GRIN2A: variants seen among roughly 807,000 people sequenced by gnomAD.
GRIN2A encodes the protein glutamate receptor ionotropic, NMDA 2A.
GRIN2A carries 22 observed loss-of-function variants against 113.4 expected under a neutral mutation model. The observed-to-expected ratio is 0.19, with a 90% CI of 0.14 to 0.28. The LOEUF is 0.28. Among genes scored for constraint, GRIN2A ranks in the 10% least tolerant of loss-of-function variants. GRIN2A has a pLI of 1.00. For missense variants in GRIN2A, 1,502 were observed against 1,887.0 expected (o/e 0.80, Z 3.78); for synonymous variants, 827 against 738.4 (o/e 1.12, Z -1.94).
At chr16:9,953,040 C>A (rs1381976920) in intron 2 of GRIN2A, among the ~76,000 whole-genome samples, 2 of 152,026 alleles carry the variant, frequency 1.3e-5, no homozygotes, top group Non-Finnish European at 2.9e-5. Flanking sequence ...ACCACTTGAG[C>A]TTGAGTATGA....
chr16:9,820,757 G>A lies in GRIN2A; in HGVS notation c.2168+1507C>T, dbSNP rs185004984. On this transcript the variant is annotated intron_variant, in intron 10 of 12. Coordinates refer to ENST00000330684, the MANE Select transcript of GRIN2A (RefSeq NM_001134407.3). The stretch of plus-strand genomic sequence containing the variant: ...ATTGACTGGAAGAGGGTGTGGGGCG[G>A]GGTTCCAGGGAGTGATGACCTGGAT... Among the ~76,000 whole-genome samples the A allele has an allele frequency of 2.6e-5, 4 of 152,276 alleles. No homozygotes were observed. The East Asian group carries it at 7.7e-4, about 29-fold the overall frequency.
At chr16:10,091,654 T>C (rs1172403998) in intron 2 of GRIN2A, among the ~76,000 whole-genome samples, 1 of 152,132 alleles carries the variant, frequency 6.6e-6, no homozygotes, top group Non-Finnish European at 1.5e-5. Context: ...AACAAAATGT[T>C]ATATATCCAG....
At chr16:10,156,818 T>C (rs1211613778) in intron 2 of GRIN2A, among the ~76,000 whole-genome samples, 1 of 152,190 alleles carries the variant, frequency 6.6e-6, no homozygotes, top group Non-Finnish European at 1.5e-5. Flanking sequence ...TCGATCCTAA[T>C]AAGAACCCTG....
chr16:9,781,967 G>A (rs373407854), intron 11 of GRIN2A, among the ~76,000 whole-genome samples: 27 of 152,194 alleles, frequency 1.8e-4, no homozygotes, highest in African/African-American at 6.0e-4. Flanking sequence ...GTAATAATAA[G>A]TGAAAAATCA....
Position 9,760,719 on chromosome 16 carries a change from C to T in GRIN2A, c.*2430G>A, listed in dbSNP as rs895616612. 3 of 227,870 alleles carry T rather than the reference C, an allele frequency of 1.3e-5. No homozygotes were observed. Among genetic ancestry groups the T allele is most frequent in the African/African-American group, 6.7e-5 (3 of 45,034 alleles). The allele number at this position is 227,870 out of a possible 1,614,324, so 14.1% of individuals were successfully genotyped here. A position where few individuals can be genotyped will look rare whatever the true frequency, so the allele number is the denominator to read the frequency against. ...TTGGCAGCCCCCTGGGTTTAGAGGA[C>T]ACCAGAGGAAGACAGAAAGCCTCTT... is the stretch of plus-strand genomic sequence containing the variant. On this transcript the variant is annotated 3_prime_UTR_variant, in exon 13 of 13. Coordinates refer to ENST00000330684, the MANE Select transcript of GRIN2A (RefSeq NM_001134407.3).
chr16:10,015,983 G>A (rs889149056), intron 2 of GRIN2A, among the ~76,000 whole-genome samples: 2 of 152,050 alleles, frequency 1.3e-5, no homozygotes, highest in African/African-American at 2.4e-5. Context: ...GGGTGTGATG[G>A]CAAGTGCCTG....
At chr16:10,166,923 T>C (rs2049936553) in intron 2 of GRIN2A, among the ~76,000 whole-genome samples, 1 of 152,210 alleles carries the variant, frequency 6.6e-6, no homozygotes, top group Non-Finnish European at 1.5e-5. Context: ...TTCCTTATGA[T>C]CTTCTTTTCT....
chr16:9,827,133 C>A (rs2042401724), intron 9 of GRIN2A, among the ~76,000 whole-genome samples: 1 of 152,216 alleles, frequency 6.6e-6, no homozygotes, highest in African/African-American at 2.4e-5. Flanking sequence ...ATCCTTACTG[C>A]AATTGTGACT....
At chr16:9,842,976 A>AGG (rs1157228611) in intron 5 of GRIN2A, among the ~76,000 whole-genome samples, 4 of 150,348 alleles carry the variant, frequency 2.7e-5, no homozygotes, top group Non-Finnish European at 3.0e-5. Context: ...AGAGAGGAAG[A>AGG]AAGAAAGAAA....
In GRIN2A at chr16:9,757,701, C is replaced by T. The variant is rs1900410633; in HGVS notation, c.*5448G>A. 1 of 217,924 alleles carries T rather than the reference C, an allele frequency of 4.6e-6. No homozygotes were observed. Among genetic ancestry groups the T allele is most frequent in the African/African-American group, 2.2e-5 (1 of 44,510 alleles). The allele number at this position is 217,924 out of a possible 1,614,324, so 13.5% of individuals were successfully genotyped here. On this transcript the variant is annotated 3_prime_UTR_variant, in exon 13 of 13. Coordinates refer to ENST00000330684, the MANE Select transcript of GRIN2A (RefSeq NM_001134407.3). Reference sequence around the variant, plus strand: ...CAATTATTTCAATGGTCACTGCCAGCCTTTTATCTTCAGTTTGAGGTTTTA... The same window carrying T: ...CAATTATTTCAATGGTCACTGCCAGTCTTTTATCTTCAGTTTGAGGTTTTA...
At chr16:10,020,641 T>TCTGATTCTCAGCTGCAAAATGAGGATA (rs1395892899) in intron 2 of GRIN2A, among the ~76,000 whole-genome samples, 4 of 152,152 alleles carry the variant, frequency 2.6e-5, no homozygotes, top group African/African-American at 9.7e-5. Flanking sequence ...GATACAAGGT[T>TCTGATTCTCAGCTGCAAAATGAGGATA]AATTGTTCTG....
intron 2 of GRIN2A, among the ~76,000 whole-genome samples, chr16:10,169,339 C>A (rs2049990888): frequency 6.6e-6 from 1 of 152,084 alleles, no homozygotes; most frequent in Admixed American, 6.5e-5. Context: ...ACCACTGAAG[C>A]ATCACCCCAC....
At chr16:9,865,374 T>C (rs910253410) in intron 4 of GRIN2A, among the ~76,000 whole-genome samples, 1 of 151,532 alleles carries the variant, frequency 6.6e-6, no homozygotes, top group Admixed American at 6.6e-5. Flanking sequence ...ATGGAGCCAC[T>C]GGGAGAAATG....
At chr16:10,097,316 A>G (rs1163116980) in intron 2 of GRIN2A, among the ~76,000 whole-genome samples, 1 of 152,258 alleles carries the variant, frequency 6.6e-6, no homozygotes, top group Non-Finnish European at 1.5e-5. Context: ...GGTTTAAAGC[A>G]CACACTAAAC....
chr16:10,157,331 C>T (rs1335516644), intron 2 of GRIN2A, among the ~76,000 whole-genome samples: 1 of 152,204 alleles, frequency 6.6e-6, no homozygotes, highest in Non-Finnish European at 1.5e-5. Flanking sequence ...GATTATCTTT[C>T]AATCCTTCTA....
At chr16:9,803,411 ATCT>A (rs1487385517) in intron 10 of GRIN2A, among the ~76,000 whole-genome samples, 4 of 151,352 alleles carry the variant, frequency 2.6e-5, no homozygotes, top group African/African-American at 9.7e-5. Context: ...GCAAAACTCC[ATCT>A]CAAAAAAAAA....
chr16:10,062,224 T>C (rs1427639127), intron 2 of GRIN2A, among the ~76,000 whole-genome samples: 3 of 152,138 alleles, frequency 2.0e-5, no homozygotes, highest in Admixed American at 6.5e-5. Flanking sequence ...AAAGGTCAAA[T>C]AGGAAACACT....
At chr16:9,816,742 C>T (rs922624005) in intron 10 of GRIN2A, among the ~76,000 whole-genome samples, 2 of 152,192 alleles carry the variant, frequency 1.3e-5, no homozygotes, top group African/African-American at 4.8e-5. Flanking sequence ...TAGGGCATAT[C>T]GGAGTCACCT....
chr16:9,872,322 A>G (rs9989430), intron 4 of GRIN2A, among the ~76,000 whole-genome samples: 34,392 of 152,104 alleles, frequency 0.23, 4,044 homozygotes, highest in African/African-American at 0.25. Flanking sequence ...TGCTCAGTGA[A>G]ACAGGGGAGG....
Sources: allele counts gnomAD v4.1 joint callset (sites outside exome capture counted in the v4.1 genomes callset), GRCh38; gene constraint gnomAD v4.1.1; transcripts MANE v1.5; gene names NCBI Gene and HGNC (gene_info 2026-07-23, HGNC 2026-07-21).